ADCY3: variants seen among roughly 807,000 people sequenced by gnomAD.
The protein encoded by ADCY3 is adenylate cyclase 3.
Under a neutral mutation model 119.4 loss-of-function variants are expected in ADCY3, and 70 were observed. The ratio of observed to expected loss-of-function variants is 0.59; its 90% CI spans 0.48 to 0.72. ADCY3 has a LOEUF of 0.72. Among genes scored for constraint, ADCY3 ranks in the 30% least tolerant of loss-of-function variants. The pLI is 0.00. For synonymous variants in ADCY3, 672 were observed against 621.4 expected, an observed-to-expected ratio of 1.08 and a Z score of -1.21; for missense variants, 1,238 against 1,541.6, an observed-to-expected ratio of 0.80 and a Z score of 3.30.
Position 24,898,208 on chromosome 2 carries a change from G to A in ADCY3, c.675+20105C>T, listed in dbSNP as rs564904773. On this transcript the variant is annotated intron_variant, in intron 2 of 21. Transcript: ENST00000679454. The surrounding 1 kb of genome is among the most constrained non-coding windows in gnomAD (Gnocchi z 4.3). ...GATCGAAATCCAACGTGCCCTTCAC[G>A]GCCCAGCTCAGTACTCCTCCTCCTG... Among the ~76,000 whole-genome samples, 5 of 152,132 alleles carry A rather than the reference G, an allele frequency of 3.3e-5. No homozygotes were observed. Among genetic ancestry groups the A allele is most frequent in the South Asian group, 2.1e-4 (1 of 4,814 alleles).
At chr2:24,889,077 C>G (rs1409203046) in intron 2 of ADCY3, among the ~76,000 whole-genome samples, 7 of 152,206 alleles carry the variant, frequency 4.6e-5, no homozygotes, top group Non-Finnish European at 8.8e-5. Context: ...ATACACGCAC[C>G]TTCTGCTAAC....
Position 24,838,332 on chromosome 2 carries a change from C to A in ADCY3, c.1533+113G>T, listed in dbSNP as rs1385516877. 7 of 1,118,330 alleles carry A rather than the reference C, an allele frequency of 6.3e-6. 1 individual carries two copies. In the South Asian group the frequency reaches 9.2e-5, roughly 15 times the overall value. 69.3% of individuals were successfully genotyped at this position (1,118,330 alleles called of 1,614,324 possible). On this transcript the variant is annotated intron_variant, in intron 8 of 21. Coordinates refer to ENST00000679454, the MANE Select transcript of ADCY3 (RefSeq NM_004036.5). Reference sequence around the variant, plus strand: ...CCTGCCACTCACCTCTCACAGCCAGCCACTGCTGGGTCCTGCCACCTCTTC... The same window carrying A: ...CCTGCCACTCACCTCTCACAGCCAGACACTGCTGGGTCCTGCCACCTCTTC...
chr2:24,848,834 T>A (rs752464627), intron 3 of ADCY3, among the ~76,000 whole-genome samples: 23 of 152,286 alleles, frequency 1.5e-4, no homozygotes, highest in Admixed American at 3.3e-4. Flanking sequence ...TGAGTTCCAG[T>A]GAGATGTGCC....
intron 6 of ADCY3, chr2:24,840,524 C>A: frequency 2.1e-6 from 1 of 467,466 alleles, no homozygotes; most frequent in Non-Finnish European, 4.4e-6. Flanking sequence ...CGGGCTTTAA[C>A]CTGGAAGATG....
At chr2:24,832,128 G>T (rs1223619524) in intron 11 of ADCY3, 7 of 253,104 alleles carry the variant, frequency 2.8e-5, no homozygotes, top group African/African-American at 1.4e-4. Flanking sequence ...GCACGAGCCT[G>T]TACAGCTCCA....
Position 24,919,309 on chromosome 2 carries a change from C to T in ADCY3, c.-197-125G>A. ...GCCTCCCAACCCAGGGCCTTCCCTG[C>T]CACCCCCGGCTCACACCACCGCCCA... On this transcript the variant is annotated intron_variant, in intron 1 of 21. Transcript: ENST00000679454. The surrounding 1 kb of genome is among the most constrained non-coding windows in gnomAD (Gnocchi z 5.5). The T allele has an allele frequency of 3.4e-6, 1 of 297,968 alleles. No homozygotes were observed. The highest frequency in any genetic ancestry group is 6.4e-6 in the Non-Finnish European group (1 of 157,462). The allele number at this position is 297,968 out of a possible 1,614,324, so 18.5% of individuals were successfully genotyped here.
At position 24,831,698 on chromosome 2, in the gene ADCY3, G is replaced by A; in HGVS notation, c.2019C>T (p.Ile673=). The change falls in exon 12 of 22, where the codon ATC becomes ATT. Residue 673 remains isoleucine (I), a synonymous_variant. Transcript: ENST00000679454. ...TFMVGEILLL[I]LTICSLAAIF... ...TGGCAGCCAGGGAGCAGATGGTCAG[G>A]ATGAGGAGCAGAATCTCCCCCACCA... is the stretch of plus-strand genomic sequence containing the variant. 6.2e-7 allele frequency: 1 copy of A among 1,614,078 alleles called. No individual in the cohort carries two copies.
chr2:24,875,324 G>T (rs915284550), intron 2 of ADCY3, among the ~76,000 whole-genome samples: 14 of 152,236 alleles, frequency 9.2e-5, no homozygotes, highest in Non-Finnish European at 1.8e-4. Context: ...TACAAGGCCT[G>T]CAGGGAGCTT....
At chr2:24,835,018 G>A (rs1459693604) in intron 9 of ADCY3, 82 bp from the exon 10 acceptor site, 1 of 1,518,974 alleles carries the variant, frequency 6.6e-7, no homozygotes, top group Admixed American at 1.9e-5. Flanking sequence ...GGTGGAGGAG[G>A]AAAGGAACAA....
At chr2:24,865,455 T>A in intron 3 of ADCY3, among the ~76,000 whole-genome samples, 1 of 148,602 alleles carries the variant, frequency 6.7e-6, no homozygotes, top group Non-Finnish European at 1.5e-5. Flanking sequence ...AAAAGAAAAA[T>A]AGATTTAGTA....
At chr2:24,903,173 T>C (rs908696456) in intron 2 of ADCY3, among the ~76,000 whole-genome samples, 17 of 150,024 alleles carry the variant, frequency 1.1e-4, no homozygotes, top group African/African-American at 2.2e-4. Context: ...AAAAAAGTTA[T>C]ACATGGATGT....
intron 3 of ADCY3, among the ~76,000 whole-genome samples, chr2:24,866,190 C>T (rs1295830605): frequency 3.3e-5 from 5 of 152,098 alleles, no homozygotes; most frequent in Admixed American, 2.0e-4. Flanking sequence ...AGGTAAGACC[C>T]CTGAGAAGCT....
intron 19 of ADCY3, chr2:24,822,196 A>G (rs917260821): frequency 5.5e-5 from 13 of 237,954 alleles, no homozygotes; most frequent in Non-Finnish European, 9.0e-5. Flanking sequence ...TCTGAAGGCC[A>G]TGCTTTCAGT....
chr2:24,913,945 A>T (rs1486899186), intron 2 of ADCY3, among the ~76,000 whole-genome samples: 1 of 152,150 alleles, frequency 6.6e-6, no homozygotes, highest in African/African-American at 2.4e-5. Flanking sequence ...CCAAATGCTA[A>T]AGGCACGCCC....
At chr2:24,857,310 C>A (rs369478447) in intron 3 of ADCY3, among the ~76,000 whole-genome samples, 36 of 152,358 alleles carry the variant, frequency 2.4e-4, no homozygotes, top group East Asian at 1.2e-3. Flanking sequence ...GGAGCCCTCA[C>A]CACGAATTAT....
chr2:24,878,794 T>C lies in ADCY3; in HGVS notation c.676-6075A>G, dbSNP rs1676025649. ...CGCCTGTAGAGGCTGCTGCAGTGGC[T>C]CCTTAAGTCCCTATGAAATGTCCCT... On this transcript the variant is annotated intron_variant, in intron 2 of 21. Transcript: ENST00000679454. This position sits in a 1 kb window ranked among gnomAD's most constrained non-coding sequence, Gnocchi z 4.0. Among the ~76,000 whole-genome samples, 1 of 152,138 alleles carries C rather than the reference T, an allele frequency of 6.6e-6. No homozygotes were observed. The highest frequency in any genetic ancestry group is 1.5e-5 in the Non-Finnish European group (1 of 68,024).
chr2:24,885,974 C>T (rs1021882839), intron 2 of ADCY3, among the ~76,000 whole-genome samples: 2 of 152,182 alleles, frequency 1.3e-5, no homozygotes, highest in African/African-American at 4.8e-5. Flanking sequence ...CTTAAACTTC[C>T]CCACGAAAGT....
At chr2:24,874,485 G>A (rs1675407191) in intron 2 of ADCY3, among the ~76,000 whole-genome samples, 1 of 152,244 alleles carries the variant, frequency 6.6e-6, no homozygotes. Flanking sequence ...GGTTGGGAAG[G>A]GGAGGCCTCT....
chr2:24,838,088 C>G (rs993664109), intron 8 of ADCY3, among the ~76,000 whole-genome samples: 2 of 150,264 alleles, frequency 1.3e-5, no homozygotes, highest in Admixed American at 6.6e-5. Flanking sequence ...GAGCCTCTCC[C>G]TGAGCATCCA....
Sources: gnomAD v4.1 joint callset for allele counts (sites outside exome capture counted in the v4.1 genomes callset) on GRCh38, gnomAD v4.1.1 for gene constraint, Gnocchi (gnomAD v3.1) non-coding constraint, MANE v1.5 for transcripts, NCBI Gene and HGNC (gene_info 2026-07-23, HGNC 2026-07-21) for gene names.